PRKCA: variants seen among roughly 807,000 people sequenced by gnomAD.
PRKCA encodes the protein protein kinase C alpha, also known as protein kinase C alpha type.
A neutral mutation model predicts 87.0 loss-of-function variants in PRKCA; 27 were observed. That is an observed-to-expected ratio of 0.31 (90% CI 0.23 to 0.43). The LOEUF is 0.43. Among genes scored for constraint, PRKCA ranks in the 20% least tolerant of loss-of-function variants. The pLI is 1.00. For missense variants in PRKCA, 518 were observed against 852.3 expected (o/e 0.61, Z 4.88); for synonymous variants, 329 against 311.1 (o/e 1.06, Z -0.61).
chr17:66,670,123 C>T (rs930978589), intron 5 of PRKCA, among the ~76,000 whole-genome samples: 4 of 152,130 alleles, frequency 2.6e-5, no homozygotes, highest in Non-Finnish European at 2.9e-5. Flanking sequence ...AGTTGCCAGT[C>T]GTGGCATATT....
chr17:66,519,808 T>G (rs2144214190), intron 3 of PRKCA, among the ~76,000 whole-genome samples: 1 of 152,370 alleles, frequency 6.6e-6, no homozygotes, highest in Non-Finnish European at 1.5e-5. Context: ...CCTGGCATTC[T>G]GCATTTCCCA....
At chr17:66,652,899 G>C (rs955601059) in intron 5 of PRKCA, among the ~76,000 whole-genome samples, 3 of 152,204 alleles carry the variant, frequency 2.0e-5, no homozygotes, top group Admixed American at 6.5e-5. Context: ...TCCTTTTGTG[G>C]ATGGCAGACC....
intron 3 of PRKCA, among the ~76,000 whole-genome samples, chr17:66,537,676 CCAA>C (rs1186668347): frequency 6.6e-6 from 1 of 152,186 alleles, no homozygotes; most frequent in Non-Finnish European, 1.5e-5. Flanking sequence ...TAGAAAAATA[CCAA>C]CGTTTCCCTG....
chr17:66,354,656 C>T (rs1907944002), intron 2 of PRKCA, among the ~76,000 whole-genome samples: 1 of 152,162 alleles, frequency 6.6e-6, no homozygotes, highest in Non-Finnish European at 1.5e-5. Context: ...TATTTGGCCT[C>T]GGACTGCCTA....
chr17:66,515,320 C>T (rs1357687244), intron 3 of PRKCA, among the ~76,000 whole-genome samples: 1 of 148,474 alleles, frequency 6.7e-6, no homozygotes, highest in Non-Finnish European at 1.5e-5. Context: ...AGGTAACTAA[C>T]AGTGAACTCT....
intron 13 of PRKCA, among the ~76,000 whole-genome samples, chr17:66,753,284 T>G (rs1974477278): frequency 1.3e-5 from 2 of 152,210 alleles, no homozygotes; most frequent in South Asian, 4.1e-4. Context: ...ACCTGGGTAC[T>G]CAGAGCCTGG....
chr17:66,506,280 G>A (rs8079208), intron 3 of PRKCA, among the ~76,000 whole-genome samples: 57 of 150,896 alleles, frequency 3.8e-4, no homozygotes, highest in Non-Finnish European at 7.8e-4. Flanking sequence ...TGGGCGACAC[G>A]GTGAGACCCC....
chr17:66,641,580 T>G (rs531782521), intron 4 of PRKCA, 114 bp downstream of exon 4: 2 of 589,870 alleles, frequency 3.4e-6, no homozygotes, highest in Admixed American at 6.3e-5. Flanking sequence ...TAGAGGGAAT[T>G]AGTTCAGATA....
In PRKCA at chr17:66,603,274, C is replaced by T. The variant is rs952538030; in HGVS notation, c.289-38081C>T. Among the ~76,000 whole-genome samples, 10 of 152,258 alleles carry T rather than the reference C, an allele frequency of 6.6e-5. No homozygotes were observed. In the South Asian group the frequency reaches 1.0e-3, roughly 16 times the overall value. ...CTGGCCCCCAGCCCTTTCCTGAACG[C>T]GTCATCTCCTTGAGGGTAAAAGGAG... On this transcript the variant is annotated intron_variant, in intron 3 of 16. Coordinates refer to ENST00000413366, the MANE Select transcript of PRKCA (RefSeq NM_002737.3).
intron 14 of PRKCA, among the ~76,000 whole-genome samples, chr17:66,778,935 T>C (rs1598936540): frequency 6.6e-6 from 1 of 151,662 alleles, no homozygotes; most frequent in Non-Finnish European, 1.5e-5. Flanking sequence ...TTCCTCTAAA[T>C]CTCCACCTCA....
At chr17:66,459,564 T>G (rs1914746555) in intron 2 of PRKCA, among the ~76,000 whole-genome samples, 1 of 152,228 alleles carries the variant, frequency 6.6e-6, no homozygotes, top group Non-Finnish European at 1.5e-5. Context: ...GTGGAACACC[T>G]TGCTCTCTAA....
chr17:66,614,284 A>C (rs939643348), intron 3 of PRKCA, among the ~76,000 whole-genome samples: 1 of 152,200 alleles, frequency 6.6e-6, no homozygotes, highest in Non-Finnish European at 1.5e-5. Context: ...CTATCAAACA[A>C]GATAACGACA....
intron 3 of PRKCA, among the ~76,000 whole-genome samples, chr17:66,537,133 A>G (rs1967818898): frequency 6.6e-6 from 1 of 152,192 alleles, no homozygotes; most frequent in Non-Finnish European, 1.5e-5. Context: ...GCGTCCAGGA[A>G]TTGAGGACTC....
At chr17:66,766,467 A>G (rs1260325353) in intron 13 of PRKCA, among the ~76,000 whole-genome samples, 2 of 152,196 alleles carry the variant, frequency 1.3e-5, no homozygotes, top group African/African-American at 4.8e-5. Context: ...TAGGAAACAA[A>G]GTATAACCTC....
rs562484311 is a variant in PRKCA at position 66,381,152 on chromosome 17, G to A, written c.205+75025G>A. ...AGCTGGGGTCTCGCTATGTTGGCTG[G>A]GCTGGTCTCAAACTCTTGGCCTCAA... On this transcript the variant is annotated intron_variant, in intron 2 of 16. Coordinates refer to ENST00000413366, the MANE Select transcript of PRKCA (RefSeq NM_002737.3). Among the ~76,000 whole-genome samples the A allele has an allele frequency of 3.3e-5, 5 of 152,054 alleles. No homozygotes were observed. The East Asian group carries it at 9.7e-4, about 29-fold the overall frequency.
In PRKCA at chr17:66,552,693, C is replaced by T. The variant is rs556617519; in HGVS notation, c.288+56410C>T. Reference sequence around the variant, plus strand: ...AAGATCGCAGTCATGGTCTTTTATACTCTAATCACATAAGTGACAACCTGA... The same window carrying T: ...AAGATCGCAGTCATGGTCTTTTATATTCTAATCACATAAGTGACAACCTGA... On this transcript the variant is annotated intron_variant, in intron 3 of 16. Coordinates refer to ENST00000413366, the MANE Select transcript of PRKCA (RefSeq NM_002737.3). Among the ~76,000 whole-genome samples, 11 of 152,314 alleles carry T rather than the reference C, an allele frequency of 7.2e-5. No individual in the cohort carries two copies. The South Asian group carries it at 1.5e-3, about 20-fold the overall frequency.
chr17:66,779,785 C>T (rs1975160196), intron 14 of PRKCA, among the ~76,000 whole-genome samples: 1 of 152,052 alleles, frequency 6.6e-6, no homozygotes, highest in Admixed American at 6.6e-5. Flanking sequence ...ATGTTTACAC[C>T]AACCCAAGAC....
At chr17:66,472,951 G>C (rs1915385442) in intron 2 of PRKCA, among the ~76,000 whole-genome samples, 1 of 152,128 alleles carries the variant, frequency 6.6e-6, no homozygotes, top group African/African-American at 2.4e-5. Flanking sequence ...CTTAAGCATG[G>C]CTTGTTGTCC....
chr17:66,697,892 T>C (rs1252379267), intron 8 of PRKCA, among the ~76,000 whole-genome samples: 2 of 151,454 alleles, frequency 1.3e-5, no homozygotes, highest in Non-Finnish European at 2.9e-5. Flanking sequence ...TGGGAGAAGG[T>C]ACACAAACTT....
Sources: allele counts gnomAD v4.1 joint callset (sites outside exome capture counted in the v4.1 genomes callset), GRCh38; gene constraint gnomAD v4.1.1; transcripts MANE v1.5; gene names NCBI Gene and HGNC (gene_info 2026-07-23, HGNC 2026-07-21).